Variants in PCYT1A observed in about 807,000 individuals in gnomAD.
PCYT1A encodes the protein phosphate cytidylyltransferase 1A, choline.
A neutral mutation model predicts 43.7 loss-of-function variants in PCYT1A; 25 were observed. That is an observed-to-expected ratio of 0.57 (90% CI 0.42 to 0.80). The LOEUF (loss-of-function observed/expected upper bound fraction) is 0.80. Among genes scored for constraint, PCYT1A ranks in the 30% least tolerant of loss-of-function variants. The pLI is 0.00. For synonymous variants in PCYT1A, 172 were observed against 170.7 expected (o/e 1.01, Z -0.06); for missense variants, 421 against 474.2 (o/e 0.89, Z 1.04).
At chr3:196,261,416 G>A (rs1441225629) in intron 2 of PCYT1A, among the ~76,000 whole-genome samples, 2 of 152,128 alleles carry the variant, frequency 1.3e-5, no homozygotes, top group Non-Finnish European at 2.9e-5. Flanking sequence ...CCCAGCACTG[G>A]GAGGCCGAGG....
rs1724386906 is a variant in PCYT1A at position 196,242,418 on chromosome 3, C to T, written c.565+144G>A. On this transcript the variant is annotated intron_variant, in intron 6 of 8. Transcript: ENST00000431016. This position sits in a 1 kb window ranked among gnomAD's most constrained non-coding sequence, Gnocchi z 4.2. The stretch of plus-strand genomic sequence containing the variant: ...ACAAAGAATTGATGGGTGCTATGCT[C>T]ATCTTTACCTTTTATCCAAAATGTG... 1 of 734,456 alleles carries T rather than the reference C, an allele frequency of 1.4e-6. No homozygotes were observed. Among genetic ancestry groups the T allele is most frequent in the Admixed American group, 2.0e-5 (1 of 50,522 alleles). 45.5% of individuals were successfully genotyped at this position (734,456 alleles called of 1,614,324 possible). A position where few individuals can be genotyped will look rare whatever the true frequency, so the allele number is the denominator to read the frequency against.
At chr3:196,272,298 C>T (rs925655918) in intron 1 of PCYT1A, among the ~76,000 whole-genome samples, 14 of 152,176 alleles carry the variant, frequency 9.2e-5, no homozygotes, top group African/African-American at 2.9e-4. Flanking sequence ...GATTCTCCTG[C>T]CTCAGCCTCC....
In PCYT1A at chr3:196,247,960, G is replaced by A. The variant is rs1724621919; in HGVS notation, c.334+247C>T. The stretch of plus-strand genomic sequence containing the variant: ...AAAGTGGACAACGGAAGTCACGGCT[G>A]CTCCTGTGACCACAGAAACTCAGCT... On this transcript the variant is annotated intron_variant, in intron 4 of 8. Transcript: ENST00000431016. This position sits in a 1 kb window ranked among gnomAD's most constrained non-coding sequence, Gnocchi z 4.8. The A allele has an allele frequency of 1.8e-6, 1 of 541,270 alleles. No individual in the cohort carries two copies. The highest frequency in any genetic ancestry group is 3.3e-6 in the Non-Finnish European group (1 of 300,548). 33.5% of individuals were successfully genotyped at this position (541,270 alleles called of 1,614,324 possible). A position where few individuals can be genotyped will look rare whatever the true frequency, so the allele number is the denominator to read the frequency against.
intron 5 of PCYT1A, chr3:196,243,063 C>T: frequency 5.5e-6 from 1 of 182,792 alleles, no homozygotes; most frequent in Non-Finnish European, 1.2e-5. Context: ...CACGGTGGCT[C>T]ATGCCTGTAA....
chr3:196,247,499 T>C lies in PCYT1A; in HGVS notation c.354A>G (p.Thr118=), dbSNP rs1392051830. The C allele has an allele frequency of 3.1e-6, 5 of 1,614,194 alleles. No individual in the cohort carries two copies. Among genetic ancestry groups the C allele is most frequent in the Non-Finnish European group, 3.4e-6 (4 of 1,180,004 alleles). The change falls in exon 5 of 9, where the codon ACA becomes ACG. Residue 118 remains threonine (T), a synonymous_variant. Coordinates refer to ENST00000431016, the MANE Select transcript of PCYT1A (RefSeq NM_001312673.2). This position sits in a 1 kb window ranked among gnomAD's most constrained non-coding sequence, Gnocchi z 4.8. ...LIVGVCSDEL[T]HNFKGFTVMN... ...TCACCGTGAAGCCTTTGAAGTTGTG[T>C]GTGAGCTCATCACTGCAAACTGGTT... is the stretch of plus-strand genomic sequence containing the variant.
At chr3:196,276,135 C>T (rs900577874) in intron 1 of PCYT1A, among the ~76,000 whole-genome samples, 2 of 150,662 alleles carry the variant, frequency 1.3e-5, no homozygotes, top group Non-Finnish European at 3.0e-5. Flanking sequence ...AATAATAATG[C>T]ATTTTATATT....
At chr3:196,245,106 A>AAATAAAT (rs1044310138) in intron 5 of PCYT1A, among the ~76,000 whole-genome samples, 3 of 151,566 alleles carry the variant, frequency 2.0e-5, no homozygotes, top group Admixed American at 6.6e-5. Context: ...ATAAATAAAT[A>AAATAAAT]AAAGAAGTTT....
intron 3 of PCYT1A, among the ~76,000 whole-genome samples, chr3:196,248,547 T>C (rs1480026213): frequency 6.6e-6 from 1 of 151,444 alleles, no homozygotes; most frequent in Non-Finnish European, 1.5e-5. Flanking sequence ...AATTTTTGTG[T>C]TTTTAGTAGA....
intron 3 of PCYT1A, among the ~76,000 whole-genome samples, chr3:196,250,085 C>G (rs750686352): frequency 7.4e-6 from 1 of 135,966 alleles, no homozygotes. Flanking sequence ...CCAGATACAC[C>G]ATGCCGAGGC....
At chr3:196,265,740 T>A (rs929769443) in intron 2 of PCYT1A, among the ~76,000 whole-genome samples, 5 of 150,328 alleles carry the variant, frequency 3.3e-5, no homozygotes, top group African/African-American at 7.3e-5. Context: ...CCCCCTACCC[T>A]TTTTTTTTCT....
chr3:196,239,522 C>T (rs1346470226), intron 8 of PCYT1A, 25 bp downstream of exon 8: 1 of 1,492,736 alleles, frequency 6.7e-7, no homozygotes, highest in Admixed American at 1.7e-5. Context: ...GAACTCCCTA[C>T]ATTGTCCAGT....
chr3:196,246,242 C>A (rs1302055736), intron 5 of PCYT1A, among the ~76,000 whole-genome samples: 1 of 152,236 alleles, frequency 6.6e-6, no homozygotes, highest in Non-Finnish European at 1.5e-5. Context: ...TGGCTGCCTT[C>A]ATTCTTTCTG....
At chr3:196,286,341 T>G (rs537763028) in intron 1 of PCYT1A, among the ~76,000 whole-genome samples, 168 of 152,356 alleles carry the variant, frequency 1.1e-3, no homozygotes, top group African/African-American at 4.0e-3. Context: ...TAGGCCAGGC[T>G]AATACAGCCT....
intron 1 of PCYT1A, among the ~76,000 whole-genome samples, chr3:196,280,959 T>G (rs898251094): frequency 6.6e-6 from 1 of 152,216 alleles, no homozygotes; most frequent in Admixed American, 6.6e-5. Context: ...ATTTCAAAAA[T>G]CTAACTCAAA....
Position 196,279,505 on chromosome 3 carries a change from A to G in PCYT1A, c.-11+8110T>C, listed in dbSNP as rs561549521. On this transcript the variant is annotated intron_variant, in intron 1 of 8. Coordinates refer to ENST00000431016, the MANE Select transcript of PCYT1A (RefSeq NM_001312673.2). ...GTGCCCTCGAAATACAGAATGCAGT[A>G]TCTGTGCCTGTGATTTTTACTCCGA... Among the ~76,000 whole-genome samples the G allele has an allele frequency of 3.9e-5, 6 of 152,280 alleles. No individual in the cohort carries two copies. In the South Asian group the frequency reaches 1.2e-3, roughly 32 times the overall value.
chr3:196,239,010 G>C (rs1358070254), intron 8 of PCYT1A, 116 bp from the exon 9 acceptor site: 1 of 520,012 alleles, frequency 1.9e-6, no homozygotes, highest in Non-Finnish European at 3.0e-6. Context: ...GTTCTCCCCT[G>C]CTGTCATCAC....
chr3:196,265,566 A>G (rs1431168030), intron 2 of PCYT1A, among the ~76,000 whole-genome samples: 2 of 152,094 alleles, frequency 1.3e-5, no homozygotes, highest in Non-Finnish European at 2.9e-5. Context: ...CAACCCAGGT[A>G]TCTACTACTT....
At chr3:196,254,183 C>T (rs1358624580) in intron 3 of PCYT1A, among the ~76,000 whole-genome samples, 2 of 151,194 alleles carry the variant, frequency 1.3e-5, no homozygotes, top group Non-Finnish European at 2.9e-5. Flanking sequence ...TGTGCCACCA[C>T]GCCTGGCTAA....
Position 196,238,801 on chromosome 3 carries a change from A to G in PCYT1A, c.991T>C (p.Ser331Pro). 2 of 1,581,062 alleles carry G rather than the reference A, an allele frequency of 1.3e-6. No homozygotes were observed. Among genetic ancestry groups the G allele is most frequent in the African/African-American group, 1.4e-5 (1 of 72,856 alleles). Residue 331 changes from serine to proline, a missense_variant, in exon 9 of 9, where the codon TCC (serine) becomes CCC (proline). Ser to Pro is a moderately conservative substitution (Grantham distance 74). Transcript: ENST00000431016. The stretch of plus-strand genomic sequence containing the variant: ...GAGAAGGGCCATCGGAAAGAGGGGG[A>G]GGGGGAGCGCTCGCGAGTAGGGCTG... ...SSSPTRERSPSPSFRWPFSGK... is the reference protein window; with the variant it reads ...SSSPTRERSPPPSFRWPFSGK...
Sources: allele counts gnomAD v4.1 joint callset (sites outside exome capture counted in the v4.1 genomes callset), GRCh38; gene constraint gnomAD v4.1.1; non-coding constraint Gnocchi (gnomAD v3.1); transcripts MANE v1.5; gene names NCBI Gene and HGNC (gene_info 2026-07-23, HGNC 2026-07-21).